Variants in MXRA7 observed in about 807,000 individuals in gnomAD.
The protein encoded by MXRA7 is matrix-remodeling-associated protein 7.
MXRA7 carries 18 observed loss-of-function variants against 17.4 expected under a neutral mutation model. The observed-to-expected ratio is 1.03, with a 90% CI of 0.71 to 1.53. The LOEUF (loss-of-function observed/expected upper bound fraction) is 1.53, where lower values mean the gene tolerates loss of function less well. MXRA7 is among the 40% of genes most tolerant of loss of function. The pLI, the probability that MXRA7 is intolerant of heterozygous loss-of-function variation, is 0.00. For synonymous variants in MXRA7, 70 were observed against 101.7 expected (o/e 0.69, Z 1.87); for missense variants, 141 against 209.3 (o/e 0.67, Z 2.01).
chr17:76,695,082 C>T (rs2076518986), intron 1 of MXRA7, among the ~76,000 whole-genome samples: 2 of 152,226 alleles, frequency 1.3e-5, no homozygotes, highest in South Asian at 2.1e-4. Context: ...ATCGCTTGAA[C>T]CCGGGAGGTG....
rs952507831 is a variant in MXRA7 at position 76,688,140 on chromosome 17, A to G, written c.379T>C (p.Ser127Pro). ...EQDLDGEKGP[S>P]SEGPEEEDGE... Reference sequence around the variant, plus strand: ...TCCTCCTCCTCAGGCCCTTCCGATGATGGCCCCTTCTCACCATCCAAGTCC... The same window carrying G: ...TCCTCCTCCTCAGGCCCTTCCGATGGTGGCCCCTTCTCACCATCCAAGTCC... Residue 127 changes from serine to proline, a missense_variant, in exon 2 of 4, where the codon TCA becomes CCA. By Grantham distance (74) the Ser-to-Pro change is moderately conservative. Transcript: ENST00000449428. 2.0e-5 allele frequency: 33 copies of G among 1,613,906 alleles called. No homozygotes were observed. Among genetic ancestry groups the G allele is most frequent in the Non-Finnish European group, 2.5e-5 (29 of 1,180,012 alleles).
At chr17:76,675,669 CT>C (rs774024592), downstream of MXRA7, 2 of 152,146 alleles carry the variant, frequency 1.3e-5, no homozygotes, top group East Asian at 1.9e-4. Flanking sequence ...TGGTTAAATG[CT>C]TTTGACAAAA....
chr17:76,708,199 C>T (rs990862798), intron 1 of MXRA7, among the ~76,000 whole-genome samples: 6 of 152,256 alleles, frequency 3.9e-5, no homozygotes, highest in Non-Finnish European at 5.9e-5. Context: ...AGAGATCCTT[C>T]TCAATAATCA....
chr17:76,678,910 C>G (rs2076263004), downstream of MXRA7, among the ~76,000 whole-genome samples: 1 of 152,204 alleles, frequency 6.6e-6, no homozygotes, highest in Non-Finnish European at 1.5e-5. Flanking sequence ...CACTTCCCAG[C>G]CTCCCTTGTC....
chr17:76,676,450 G>A (rs2076241688), downstream of MXRA7: 1 of 152,214 alleles, frequency 6.6e-6, no homozygotes, highest in African/African-American at 2.4e-5. Flanking sequence ...GTGAGTCTCT[G>A]AATTAGACTT....
intron 1 of MXRA7, among the ~76,000 whole-genome samples, chr17:76,691,144 G>A (rs961173846): frequency 2.0e-5 from 3 of 152,204 alleles, no homozygotes; most frequent in African/African-American, 7.2e-5. Context: ...GCTGGAGATT[G>A]AGTTAAGAAT....
At chr17:76,683,914 A>G in intron 3 of MXRA7, 1 of 1,613,928 alleles carries the variant, frequency 6.2e-7, no homozygotes, top group Non-Finnish European at 8.5e-7. Flanking sequence ...GTGAGGTCAG[A>G]GGTCAGCTCA....
rs2076311515 is a variant in MXRA7, at chr17:76,681,981, A to T, written c.501-1102T>A. On this transcript the variant is annotated intron_variant, in intron 3 of 3. Coordinates refer to ENST00000449428, the MANE Select transcript of MXRA7 (RefSeq NM_198530.4). The surrounding 1 kb of genome is among the most constrained non-coding windows in gnomAD (Gnocchi z 4.7). ...GTGTGAAACTCCGGCCCGAGGGGAG[A>T]GCTGAGGAGGCGGGCAGACAGTGGC... is the stretch of plus-strand genomic sequence containing the variant. 6.6e-6 allele frequency among the ~76,000 whole-genome samples: 1 copy of T among 152,140 alleles called. No individual in the cohort carries two copies. Among genetic ancestry groups the T allele is most frequent in the Admixed American group, 6.5e-5 (1 of 15,276 alleles).
At position 76,710,876 on chromosome 17, in the gene MXRA7, C is replaced by G. The variant is rs2143703454; in HGVS notation, c.71G>C (p.Trp24Ser). Residue 24 changes from tryptophan to serine, a missense_variant, in exon 1 of 4, where the codon TGG (tryptophan) becomes TCG (serine). By Grantham distance (177) the Trp-to-Ser change is radical (BLOSUM62 -3). This residue lies in a region of MXRA7 where 72 missense variants were observed against 111.9 expected (regional missense o/e 0.64). Transcript: ENST00000449428. ...LATALALLLAWLLVRRGAAAS... is the reference protein window; with the variant it reads ...LATALALLLASLLVRRGAAAS... Reference sequence around the variant, plus strand: ...GGCCGCCCCACGCCGCACCAGTAGCCAGGCGAGCAGAAGGGCCAGCGCGGT... The same window carrying G: ...GGCCGCCCCACGCCGCACCAGTAGCGAGGCGAGCAGAAGGGCCAGCGCGGT... The G allele has an allele frequency of 1.0e-6, 1 of 992,066 alleles. No homozygotes were observed. The highest frequency in any genetic ancestry group is 4.3e-5 in the South Asian group (1 of 23,278). 61.5% of individuals were successfully genotyped at this position (992,066 alleles called of 1,614,324 possible).
At chr17:76,688,301 G>A in intron 1 of MXRA7, 125 bp from the exon 2 acceptor site, 1 of 1,499,320 alleles carries the variant, frequency 6.7e-7, no homozygotes, top group Non-Finnish European at 8.9e-7. Flanking sequence ...CCCTGTGGCA[G>A]CGCCTGCCCT....
At chr17:76,702,808 C>T (rs1020584021) in intron 1 of MXRA7, among the ~76,000 whole-genome samples, 2 of 102,970 alleles carry the variant, frequency 1.9e-5, no homozygotes, top group Non-Finnish European at 4.5e-5. Flanking sequence ...GCCAAGATCG[C>T]GCCACTGCAC....
At chr17:76,701,201 C>T (rs989580399) in intron 1 of MXRA7, among the ~76,000 whole-genome samples, 11 of 151,754 alleles carry the variant, frequency 7.2e-5, no homozygotes, top group African/African-American at 2.7e-4. Context: ...GAACAGCCAC[C>T]GAAGCAGGAG....
Position 76,681,283 on chromosome 17 carries a change from G to T in MXRA7, c.501-404C>A, listed in dbSNP as rs1174727079. Among the ~76,000 whole-genome samples the T allele has an allele frequency of 6.6e-6, 1 of 151,998 alleles. No homozygotes were observed. Among genetic ancestry groups the T allele is most frequent in the African/African-American group, 2.4e-5 (1 of 41,378 alleles). ...CGCTGGCTGAGTTTTGTCCCCTCGG[G>T]GGATACTGGCACCCTAGGATGCACG... On this transcript the variant is annotated intron_variant, in intron 3 of 3. Transcript: ENST00000449428. This position sits in a 1 kb window ranked among gnomAD's most constrained non-coding sequence, Gnocchi z 4.7.
chr17:76,709,383 G>A (rs1022435047), intron 1 of MXRA7: 2 of 152,256 alleles, frequency 1.3e-5, no homozygotes, highest in African/African-American at 4.8e-5. Flanking sequence ...GAACGGCAGG[G>A]CCTGCCCCTG....
At chr17:76,697,057 C>T (rs770169282) in intron 1 of MXRA7, among the ~76,000 whole-genome samples, 4 of 152,140 alleles carry the variant, frequency 2.6e-5, no homozygotes, top group Non-Finnish European at 5.9e-5. Flanking sequence ...GAACTGTGTT[C>T]CACGCCCCAA....
At chr17:76,690,262 T>A (rs2076465426) in intron 1 of MXRA7, 1 of 152,180 alleles carries the variant, frequency 6.6e-6, no homozygotes, top group Admixed American at 6.5e-5. Flanking sequence ...AGCTTTTCCT[T>A]TCCGTCTTAT....
chr17:76,704,200 ATTTTTTTTT>A (rs1162372827), intron 1 of MXRA7, among the ~76,000 whole-genome samples: 1 of 63,398 alleles, frequency 1.6e-5, no homozygotes, highest in East Asian at 5.8e-4. Flanking sequence ...CTTCCTTCAG[ATTTTTTTTT>A]TTTTTTTTTT....
intron 1 of MXRA7, 194 bp from the exon 2 acceptor site, chr17:76,688,370 G>T (rs2286586): frequency 3.5e-6 from 5 of 1,433,942 alleles, no homozygotes; most frequent in South Asian, 3.0e-5. Context: ...AAAGTGACTC[G>T]GCTCACAAAT....
At chr17:76,672,639 G>C (rs2076210985) in exon 4 of MXRA7, 1 of 152,200 alleles carries the variant, frequency 6.6e-6, no homozygotes, top group South Asian at 2.1e-4. Context: ...ATGAGAGGGG[G>C]AGTGGCTGAG....
Sources: allele counts gnomAD v4.1 joint callset (sites outside exome capture counted in the v4.1 genomes callset), GRCh38; gene constraint gnomAD v4.1.1; regional missense constraint gnomAD v4.1.1; non-coding constraint Gnocchi (gnomAD v3.1); transcripts MANE v1.5; gene names NCBI Gene and HGNC (gene_info 2026-07-23, HGNC 2026-07-21).